Variants in EZR observed in about 807,000 individuals in gnomAD.
EZR encodes cytovillin 2.
In EZR, 40 loss-of-function variants were observed where a neutral mutation model predicts 74.8. That is an observed-to-expected ratio of 0.53 (90% CI 0.42 to 0.70). The LOEUF (loss-of-function observed/expected upper bound fraction) is 0.70, where lower values mean the gene tolerates loss of function less well. EZR is among the 30% of genes least tolerant of loss of function. The probability of loss-of-function intolerance (pLI) is 0.00; values close to 1 mark genes in which losing one functional copy is unlikely to be tolerated. For missense variants in EZR, 678 were observed against 755.8 expected (o/e 0.90, Z 1.21); for synonymous variants, 341 against 283.3 (o/e 1.20, Z -2.05).
chr6:158,801,142 G>C (rs764231427), intron 2 of EZR, among the ~76,000 whole-genome samples: 3 of 152,080 alleles, frequency 2.0e-5, no homozygotes, highest in Admixed American at 6.6e-5. Flanking sequence ...TTTTGAGACA[G>C]GGTCTCGCTC....
At chr6:158,817,817 G>A (rs892237117) in intron 2 of EZR, among the ~76,000 whole-genome samples, 2 of 152,102 alleles carry the variant, frequency 1.3e-5, no homozygotes, top group African/African-American at 4.8e-5. Context: ...AAGGCCTCTA[G>A]TTTTTAGAAA....
At chr6:158,818,061 C>G (rs2128578709) in intron 2 of EZR, 21 bp downstream of exon 2, 1 of 1,608,670 alleles carries the variant, frequency 6.2e-7, no homozygotes, top group Non-Finnish European at 8.5e-7. Context: ...GTCCGCCCGG[C>G]CCAGAAACTG....
intron 8 of EZR, among the ~76,000 whole-genome samples, chr6:158,773,766 C>CA (rs1291052057): frequency 6.6e-6 from 1 of 152,250 alleles, no homozygotes; most frequent in African/African-American, 2.4e-5. Flanking sequence ...TCCGAGGAGT[C>CA]AGAGCGGAAA....
chr6:158,793,456 T>A (rs1209632653), intron 2 of EZR, among the ~76,000 whole-genome samples: 1 of 152,074 alleles, frequency 6.6e-6, no homozygotes, highest in African/African-American at 2.4e-5. Flanking sequence ...TATCTTTACA[T>A]AGAGATTGAA....
chr6:158,796,134 A>T (rs999028051), intron 2 of EZR, among the ~76,000 whole-genome samples: 1 of 152,208 alleles, frequency 6.6e-6, no homozygotes, highest in Non-Finnish European at 1.5e-5. Context: ...GACCACTAGG[A>T]GAAAAGTAAC....
In EZR at chr6:158,810,271, AG is replaced by A. The variant is rs1254667990; in HGVS notation, c.12+7810del. On this transcript the variant is annotated intron_variant, in intron 2 of 13. Transcript: ENST00000367075. ...GAAACAGCATTACTGTTTGCCTGTA[AG>A]TGTTAAGAACGGGTTAATGAATAAA... 6.8e-4 allele frequency among the ~76,000 whole-genome samples: 104 copies of A among 152,324 alleles called. 1 individual carries two copies. In the Middle Eastern group the frequency reaches 0.01, roughly 15 times the overall value.
chr6:158,789,574 G>A (rs750990242), intron 2 of EZR: 10 of 719,344 alleles, frequency 1.4e-5, no homozygotes, highest in South Asian at 4.1e-5. Context: ...CAAACCAAAC[G>A]CAGCTTCTTT....
intron 2 of EZR, among the ~76,000 whole-genome samples, chr6:158,817,435 C>T (rs1048818080): frequency 8.5e-5 from 13 of 152,308 alleles, no homozygotes; most frequent in African/African-American, 3.1e-4. Flanking sequence ...AGTGCTCGGC[C>T]CGGCCTGCCA....
intron 2 of EZR, among the ~76,000 whole-genome samples, chr6:158,810,773 G>A (rs370040321): frequency 6.6e-6 from 1 of 152,164 alleles, no homozygotes; most frequent in African/African-American, 2.4e-5. Flanking sequence ...AAACATTTGC[G>A]GGGTAGGGAA....
chr6:158,796,221 CAAG>C (rs1297461429), intron 2 of EZR, among the ~76,000 whole-genome samples: 1 of 152,200 alleles, frequency 6.6e-6, no homozygotes, highest in Non-Finnish European at 1.5e-5. Flanking sequence ...TTCACTTTCC[CAAG>C]AAGGAAAGTA....
chr6:158,781,943 A>G (rs145871457), intron 7 of EZR, among the ~76,000 whole-genome samples: 2 of 152,242 alleles, frequency 1.3e-5, no homozygotes, highest in East Asian at 3.9e-4. Flanking sequence ...AAATTTTGGT[A>G]GAGACGGGGT....
chr6:158,773,284 G>T (rs1299043337), intron 8 of EZR, among the ~76,000 whole-genome samples: 1 of 152,210 alleles, frequency 6.6e-6, no homozygotes, highest in Non-Finnish European at 1.5e-5. Flanking sequence ...GGTCCTGCCA[G>T]CAACGGGAAC....
At chr6:158,808,606 G>C (rs147346791) in intron 2 of EZR, among the ~76,000 whole-genome samples, 1 of 152,310 alleles carries the variant, frequency 6.6e-6, no homozygotes, top group Non-Finnish European at 1.5e-5. Flanking sequence ...ACCAGGGCCA[G>C]GCATAAGGCC....
At chr6:158,771,214 GC>G (rs140375264) in intron 9 of EZR, 29 bp downstream of exon 9, 366 of 1,569,274 alleles carry the variant, frequency 2.3e-4, no homozygotes, top group Non-Finnish European at 2.1e-4. Context: ...GAGAACACAG[GC>G]CCCCCCCACT....
intron 2 of EZR, among the ~76,000 whole-genome samples, chr6:158,802,745 T>C (rs963377153): frequency 6.6e-6 from 1 of 152,158 alleles, no homozygotes; most frequent in Non-Finnish European, 1.5e-5. Flanking sequence ...TTAAGTTAGA[T>C]GGTCTCGATC....
At position 158,771,467 on chromosome 6, in the gene EZR, A is replaced by G. The variant is rs1791106928; in HGVS notation, c.796-60T>C. On this transcript the variant is annotated intron_variant, in intron 8 of 13. Transcript: ENST00000367075. ...TCCTTCGTTTGGTTTTCTTCTCCAA[A>G]CCATCCTTCACAAAGGTCCAGAACT... is the stretch of plus-strand genomic sequence containing the variant. 3 of 1,512,640 alleles carry G rather than the reference A, an allele frequency of 2.0e-6. No individual in the cohort carries two copies. In the Admixed American group the frequency reaches 6.7e-5, roughly 34 times the overall value. The allele number at this position is 1,512,640 out of a possible 1,614,324, so 93.7% of individuals were successfully genotyped here. A position where few individuals can be genotyped will look rare whatever the true frequency, so the allele number is the denominator to read the frequency against.
Position 158,789,370 on chromosome 6 carries a change from A to G in EZR, c.14T>C (p.Ile5Thr), listed in dbSNP as rs562797013. The change falls in exon 3 of 14, where the codon ATC becomes ACC. Residue 5 changes from isoleucine to threonine, a missense_variant and splice_region_variant. Transcript: ENST00000367075. MPKP[I>T]NVRVTTMDAE... ...ATCCATGGTGGTAACTCGGACATTGATCTGAAAAACAGAATGAAACAAATT... is the reference window on the plus strand; with the variant it reads ...ATCCATGGTGGTAACTCGGACATTGGTCTGAAAAACAGAATGAAACAAATT... The G allele has an allele frequency of 6.6e-5, 107 of 1,613,822 alleles. 2 individuals are homozygous for G. In the South Asian group the frequency reaches 1.1e-3, roughly 17 times the overall value.
intron 2 of EZR, among the ~76,000 whole-genome samples, chr6:158,803,037 G>A (rs1009006024): frequency 2.0e-5 from 3 of 151,668 alleles, no homozygotes; most frequent in Non-Finnish European, 4.4e-5. Flanking sequence ...AACACTACAT[G>A]CCACTCACAC....
At chr6:158,793,489 C>T (rs1469980936) in intron 2 of EZR, among the ~76,000 whole-genome samples, 1 of 152,050 alleles carries the variant, frequency 6.6e-6, no homozygotes, top group Non-Finnish European at 1.5e-5. Flanking sequence ...AAAATCTAAA[C>T]AGGTAAATGA....
Sources: gnomAD v4.1 joint callset for allele counts (sites outside exome capture counted in the v4.1 genomes callset) on GRCh38, gnomAD v4.1.1 for gene constraint, MANE v1.5 for transcripts, NCBI Gene and HGNC (gene_info 2026-07-23, HGNC 2026-07-21) for gene names.